Variants in BRPF3 observed in about 807,000 individuals in gnomAD.
BRPF3 encodes the protein bromodomain and PHD finger-containing protein 3.
BRPF3 carries 18 observed loss-of-function variants against 102.0 expected under a neutral mutation model. The ratio of observed to expected loss-of-function variants is 0.18; its 90% CI spans 0.12 to 0.26. The LOEUF (loss-of-function observed/expected upper bound fraction) is 0.26, where lower values mean the gene tolerates loss of function less well. BRPF3 is among the 10% of genes least tolerant of loss of function. The pLI, the probability that BRPF3 is intolerant of heterozygous loss-of-function variation, is 1.00. For missense variants in BRPF3, 1,147 were observed against 1,567.8 expected, an observed-to-expected ratio of 0.73 and a Z score of 4.53; for synonymous variants, 570 against 614.2, an observed-to-expected ratio of 0.93 and a Z score of 1.06.
Position 36,201,742 on chromosome 6 carries a change from C to G in BRPF3, c.1420C>G (p.Leu474Val), listed in dbSNP as rs1767712386. 6.2e-7 allele frequency: 1 copy of G among 1,610,240 alleles called. No homozygotes were observed. Among genetic ancestry groups the G allele is most frequent in the East Asian group, 2.2e-5 (1 of 44,902 alleles). The change falls in exon 2 of 13, where the codon CTT becomes GTT. Residue 474 changes from leucine to valine, a missense_variant. This residue lies in a region of BRPF3 where 157 missense variants were observed against 163.6 expected (regional missense o/e 0.96). Transcript: ENST00000357641. The surrounding 1 kb of genome is among the most constrained non-coding windows in gnomAD (Gnocchi z 5.1). ...AGACACACCCTCCACTCTCCCCATG[C>G]TTGCTGTCCCACAGATACCCTCTTA... is the stretch of plus-strand genomic sequence containing the variant. The part of the protein sequence containing the change: ...GQDTPSTLPM[L>V]AVPQIPSYRL...
At chr6:36,205,817 A>G (rs1767885355) in intron 3 of BRPF3, among the ~76,000 whole-genome samples, 1 of 152,164 alleles carries the variant, frequency 6.6e-6, no homozygotes, top group Admixed American at 6.5e-5. Context: ...GCAGCTCCAG[A>G]CTTTTTGTCT....
intron 8 of BRPF3, among the ~76,000 whole-genome samples, chr6:36,215,899 T>A (rs1768312916): frequency 6.6e-6 from 1 of 152,244 alleles, no homozygotes; most frequent in South Asian, 2.1e-4. Flanking sequence ...GCTTTTGCTC[T>A]TTGTGTCCCT....
intron 9 of BRPF3, among the ~76,000 whole-genome samples, chr6:36,220,037 A>G (rs1297281022): frequency 1.3e-5 from 2 of 152,204 alleles, no homozygotes; most frequent in Admixed American, 6.5e-5. Context: ...ATTATCTTCT[A>G]AGGTGTCTGT....
intron 3 of BRPF3, among the ~76,000 whole-genome samples, chr6:36,206,501 T>A (rs2127280251): frequency 6.6e-6 from 1 of 152,382 alleles, no homozygotes; most frequent in African/African-American, 2.4e-5. Context: ...TCTTATTAGC[T>A]GTATCCTGGA....
chr6:36,222,038 G>A (rs1768562396), intron 9 of BRPF3, 130 bp from the exon 10 acceptor site: 2 of 854,546 alleles, frequency 2.3e-6, no homozygotes, highest in Admixed American at 2.4e-5. Flanking sequence ...AGGGGAAGGT[G>A]AGAAACTGTC....
Position 36,210,855 on chromosome 6 carries a change from G to A in BRPF3, c.2179+327G>A, listed in dbSNP as rs1768080239. Among the ~76,000 whole-genome samples the A allele has an allele frequency of 6.6e-6, 1 of 152,192 alleles. No individual in the cohort carries two copies. Among genetic ancestry groups the A allele is most frequent in the Admixed American group, 6.5e-5 (1 of 15,282 alleles). ...GAGCATGGGACAGGGAGAGTGCATT[G>A]CTGGTGTGTGTTTGGCTCATTCAGA... On this transcript the variant is annotated intron_variant, in intron 6 of 12. Coordinates refer to ENST00000357641, the MANE Select transcript of BRPF3 (RefSeq NM_015695.3). The surrounding 1 kb of genome is among the most constrained non-coding windows in gnomAD (Gnocchi z 4.7).
chr6:36,228,753 G>A, intron 11 of BRPF3, 149 bp from the exon 12 acceptor site: 1 of 858,626 alleles, frequency 1.2e-6, no homozygotes, highest in East Asian at 2.5e-5. Flanking sequence ...TTGGAGGAAG[G>A]GGTTTGCCTG....
Position 36,211,346 on chromosome 6 carries a change from C to A in BRPF3, c.2268C>A (p.Ser756Arg). The A allele has an allele frequency of 6.2e-7, 1 of 1,614,240 alleles. No individual in the cohort carries two copies. The change falls in exon 7 of 13, where the codon AGC (serine) becomes AGA (arginine). Residue 756 changes from serine (S) to arginine (R), a missense_variant. Physicochemically the swap from Ser to Arg is moderately radical, Grantham distance 110. Around this residue, in one of 11 missense-constraint regions of BRPF3, gnomAD observed 379 missense variants for 426.3 expected, o/e 0.89. Coordinates refer to ENST00000357641, the MANE Select transcript of BRPF3 (RefSeq NM_015695.3). ...KELLEKLDLV[S>R]AMRSSGARTR... ...TGCTGGAGAAACTGGACCTGGTGAGCGCCATGCGGTCCAGTGGGGCCCGCA... is the reference window on the plus strand; with the variant it reads ...TGCTGGAGAAACTGGACCTGGTGAGAGCCATGCGGTCCAGTGGGGCCCGCA...
intron 10 of BRPF3, 27 bp downstream of exon 10, chr6:36,222,292 G>T: frequency 6.5e-7 from 1 of 1,544,432 alleles, no homozygotes; most frequent in Non-Finnish European, 8.8e-7. Flanking sequence ...AGGCAGAACT[G>T]AGGGGGCCAG....
chr6:36,217,792 C>G, intron 8 of BRPF3, 125 bp from the exon 9 acceptor site: 1 of 678,008 alleles, frequency 1.5e-6, no homozygotes, highest in East Asian at 2.8e-5. Context: ...CCATTTCTCA[C>G]AGGGAAAGGA....
Position 36,230,680 on chromosome 6 carries a change from C to T in BRPF3, c.*71C>T. 2 of 1,521,430 alleles carry T rather than the reference C, an allele frequency of 1.3e-6. No individual in the cohort carries two copies. The highest frequency in any genetic ancestry group is 2.5e-5 in the South Asian group (2 of 80,506). 94.2% of individuals were successfully genotyped at this position (1,521,430 alleles called of 1,614,324 possible). ...GGGCACAGAGAAGCCTCTTCTGCCC[C>T]TGCCAGATGTATGGCCGGCAGCTTC... On this transcript the variant is annotated 3_prime_UTR_variant, in exon 13 of 13. Transcript: ENST00000357641. The surrounding 1 kb of genome is among the most constrained non-coding windows in gnomAD (Gnocchi z 5.4).
At chr6:36,223,380 A>G (rs1408983896) in intron 10 of BRPF3, among the ~76,000 whole-genome samples, 1 of 152,140 alleles carries the variant, frequency 6.6e-6, no homozygotes, top group African/African-American at 2.4e-5. Flanking sequence ...ACAGCATCTC[A>G]CACAAAGCCA....
At position 36,196,872 on chromosome 6, in the gene BRPF3, G is replaced by A. The variant is rs1767508957; in HGVS notation, c.-125G>A. 1 of 151,884 alleles carries A rather than the reference G, an allele frequency of 6.6e-6. No homozygotes were observed. The highest frequency in any genetic ancestry group is 1.8e-4 in the South Asian group (1 of 5,620). 9.4% of individuals were successfully genotyped at this position (151,884 alleles called of 1,614,324 possible). ...GGAGGCCACGGAGGCAGGCGCGGGA[G>A]AAGACCGCGCTCCGCTTCCCGGGCC... is the stretch of plus-strand genomic sequence containing the variant. On this transcript the variant is annotated 5_prime_UTR_variant, in exon 1 of 13. Coordinates refer to ENST00000357641, the MANE Select transcript of BRPF3 (RefSeq NM_015695.3).
At chr6:36,197,310 C>T (rs1309191387) in intron 1 of BRPF3, 1 of 152,254 alleles carries the variant, frequency 6.6e-6, no homozygotes, top group African/African-American at 2.4e-5. Context: ...CCCTGGGTCC[C>T]TCTGACGGGC....
intron 9 of BRPF3, among the ~76,000 whole-genome samples, chr6:36,220,171 TC>T (rs1232135425): frequency 6.6e-6 from 1 of 152,250 alleles, no homozygotes; most frequent in Non-Finnish European, 1.5e-5. Context: ...TGTGCTTTTT[TC>T]TACAAATCAG....
chr6:36,208,472 C>CA (rs1167218565), intron 4 of BRPF3, among the ~76,000 whole-genome samples: 6 of 151,390 alleles, frequency 4.0e-5, no homozygotes, highest in African/African-American at 1.5e-4. Flanking sequence ...CTGTTCTCCA[C>CA]AAAAAGGGGA....
At position 36,200,995 on chromosome 6, in the gene BRPF3, A is replaced by G. The variant is rs765146769; in HGVS notation, c.673A>G (p.Asn225Asp). 4.3e-6 allele frequency: 7 copies of G among 1,614,022 alleles called. No individual in the cohort carries two copies. The African/African-American group carries it at 9.3e-5, about 22-fold the overall frequency. The change falls in exon 2 of 13, where the codon AAT becomes GAT. Residue 225 changes from asparagine to aspartate, a missense_variant. Asn to Asp is a conservative substitution (Grantham distance 23, BLOSUM62 1). Transcript: ENST00000357641. The surrounding 1 kb of genome is among the most constrained non-coding windows in gnomAD (Gnocchi z 5.3). ...CCVCLDDECH[N>D]SNVILFCDIC... Reference sequence around the variant, plus strand: ...TGTGTGCCTGGATGATGAATGTCACAATAGCAATGTTATTCTCTTCTGTGA... The same window carrying G: ...TGTGTGCCTGGATGATGAATGTCACGATAGCAATGTTATTCTCTTCTGTGA...
In BRPF3 at chr6:36,210,294, C is replaced by A; in HGVS notation, c.1945C>A (p.Arg649Ser). 6.2e-7 allele frequency: 1 copy of A among 1,614,170 alleles called. No homozygotes were observed. The highest frequency in any genetic ancestry group is 8.5e-7 in the Non-Finnish European group (1 of 1,180,030). ...MRRKLESHLY[R>S]TLEEFEEDFN... ...GCGGAAGCTGGAGTCCCACCTGTAC[C>A]GCACCTTGGAGGAGTTTGAGGAGGA... Residue 649 changes from arginine (R) to serine (S), a missense_variant, in exon 6 of 13, where the codon CGC becomes AGC. By Grantham distance (110) the Arg-to-Ser change is moderately radical. This residue lies in a region of BRPF3 where 109 missense variants were observed against 175.1 expected (regional missense o/e 0.62). Transcript: ENST00000357641. The surrounding 1 kb of genome is among the most constrained non-coding windows in gnomAD (Gnocchi z 4.7).
At chr6:36,223,276 C>T (rs1215567513) in intron 10 of BRPF3, among the ~76,000 whole-genome samples, 4 of 152,300 alleles carry the variant, frequency 2.6e-5, no homozygotes, top group South Asian at 2.1e-4. Context: ...GTTTCTTTCT[C>T]GTATGTGTGT....
Sources: allele counts gnomAD v4.1 joint callset (sites outside exome capture counted in the v4.1 genomes callset), GRCh38; gene constraint gnomAD v4.1.1; regional missense constraint gnomAD v4.1.1; non-coding constraint Gnocchi (gnomAD v3.1); transcripts MANE v1.5; gene names NCBI Gene and HGNC (gene_info 2026-07-23, HGNC 2026-07-21).